SOX6: variants seen among roughly 807,000 people sequenced by gnomAD.
SOX6 encodes transcription factor SOX-6.
A neutral mutation model predicts 97.8 loss-of-function variants in SOX6; 11 were observed. That is an observed-to-expected ratio of 0.11 (90% CI 0.07 to 0.19). The LOEUF (loss-of-function observed/expected upper bound fraction) is 0.19. Among genes scored for constraint, SOX6 ranks in the 10% least tolerant of loss-of-function variants. The pLI is 1.00. For synonymous variants in SOX6, 360 were observed against 371.4 expected (o/e 0.97, Z 0.35); for missense variants, 810 against 1,039.5 (o/e 0.78, Z 3.04).
At chr11:16,018,719 T>C (rs1057012298) in intron 12 of SOX6, among the ~76,000 whole-genome samples, 1 of 152,158 alleles carries the variant, frequency 6.6e-6, no homozygotes, top group Admixed American at 6.6e-5. Context: ...AACAATGCTT[T>C]TTGTTGTAAA....
chr11:16,369,627 C>T (rs903601289), intron 1 of SOX6, among the ~76,000 whole-genome samples: 1 of 152,174 alleles, frequency 6.6e-6, no homozygotes, highest in East Asian at 1.9e-4. Flanking sequence ...AACCAAAATA[C>T]AATGGCTTAA....
At chr11:16,100,723 T>C (rs1306149912) in intron 7 of SOX6, among the ~76,000 whole-genome samples, 1 of 151,230 alleles carries the variant, frequency 6.6e-6, no homozygotes, top group Non-Finnish European at 1.5e-5. Context: ...ATGCTTTTAA[T>C]TTGAATAATT....
At chr11:15,987,878 A>G (rs1048520547) in intron 14 of SOX6, among the ~76,000 whole-genome samples, 1 of 152,174 alleles carries the variant, frequency 6.6e-6, no homozygotes, top group Non-Finnish European at 1.5e-5. Flanking sequence ...AAATCAAAAA[A>G]AAAAGAAAAA....
intron 4 of SOX6, among the ~76,000 whole-genome samples, chr11:16,191,841 G>C (rs1036601659): frequency 2.0e-5 from 3 of 147,562 alleles, no homozygotes; most frequent in African/African-American, 5.0e-5. Flanking sequence ...AGTGCAGCAG[G>C]GTTTTTTTTT....
rs34244829 is a variant in SOX6 at position 16,136,344 on chromosome 11, GTTTT to G, written c.778-24425_778-24422del. ...AAGGTATGTACATTGTGTGTGTGTG[GTTTT>G]TTTTTTTTTTTTTTTGACATAATGC... On this transcript the variant is annotated intron_variant, in intron 6 of 15. Transcript: ENST00000683767. 4.4e-3 allele frequency among the ~76,000 whole-genome samples: 566 copies of G among 129,252 alleles called. 4 individuals are homozygous for G. Among genetic ancestry groups the G allele is most frequent in the East Asian group, 0.025 (114 of 4,602 alleles). 84.8% of individuals were successfully genotyped at this position (129,252 alleles called of 152,430 possible). A position where few individuals can be genotyped will look rare whatever the true frequency, so the allele number is the denominator to read the frequency against.
At chr11:16,086,353 T>C (rs1848577768) in intron 9 of SOX6, among the ~76,000 whole-genome samples, 1 of 152,214 alleles carries the variant, frequency 6.6e-6, no homozygotes, top group Admixed American at 6.5e-5. Flanking sequence ...AGCCAGGCGA[T>C]AATTCAACAT....
At chr11:16,426,387 T>C (rs1257383369) in intron 1 of SOX6, among the ~76,000 whole-genome samples, 1 of 149,260 alleles carries the variant, frequency 6.7e-6, no homozygotes, top group African/African-American at 2.5e-5. Flanking sequence ...GAAAGTATCA[T>C]GCTACCCATC....
chr11:16,733,793 G>A (rs1185237102), intron 2 of SOX6, among the ~76,000 whole-genome samples: 8 of 150,240 alleles, frequency 5.3e-5, no homozygotes, highest in African/African-American at 1.7e-4. Flanking sequence ...TTGGGAGGCC[G>A]AGGCGGGTGG....
chr11:16,373,594 G>T (rs1006793719), intron 1 of SOX6, among the ~76,000 whole-genome samples: 8 of 151,860 alleles, frequency 5.3e-5, no homozygotes, highest in African/African-American at 1.7e-4. Context: ...TAATTTATAG[G>T]TTTCTATAAT....
intron 6 of SOX6, among the ~76,000 whole-genome samples, chr11:16,153,175 AT>A (rs1433121674): frequency 1.3e-5 from 2 of 151,206 alleles, no homozygotes; most frequent in Non-Finnish European, 3.0e-5. Flanking sequence ...AATTTTTTGT[AT>A]TTTGTATTTT....
intron 4 of SOX6, among the ~76,000 whole-genome samples, chr11:16,189,514 G>A (rs953408745): frequency 6.6e-6 from 1 of 151,946 alleles, no homozygotes; most frequent in African/African-American, 2.4e-5. Context: ...CTTGAGCAAG[G>A]AAAATAAACA....
At chr11:16,307,482 G>T (rs1278905595) in intron 3 of SOX6, among the ~76,000 whole-genome samples, 1 of 152,108 alleles carries the variant, frequency 6.6e-6, no homozygotes, top group African/African-American at 2.4e-5. Context: ...AAGAAAAATA[G>T]TTCCAAAACA....
Position 16,706,467 on chromosome 11 carries a change from AAAAAATATATATATATATATATATAT to A in SOX6, n.429+8337_429+8362del, listed in dbSNP as rs1210071000. 3.5e-4 allele frequency among the ~76,000 whole-genome samples: 8 copies of A among 23,128 alleles called. 1 individual carries two copies. The highest frequency in any genetic ancestry group is 1.2e-3 in the East Asian group (1 of 840). The allele number at this position is 23,128 out of a possible 152,430, so 15.2% of individuals were successfully genotyped here. A position where few individuals can be genotyped will look rare whatever the true frequency, so the allele number is the denominator to read the frequency against. On this transcript the variant is annotated intron_variant and non_coding_transcript_variant, in intron 3 of 5. Coordinates refer to the SOX6 transcript ENST00000524520. ...CCTATCACAAAAAAAAAAAAAAAAA[AAAAAATATATATATATATATATATAT>A]ATATATATATATATATATATATATA...
At chr11:16,722,911 A>G (rs1191841408) in intron 2 of SOX6, among the ~76,000 whole-genome samples, 2 of 152,210 alleles carry the variant, frequency 1.3e-5, no homozygotes, top group Non-Finnish European at 2.9e-5. Flanking sequence ...TGTGAAAAGC[A>G]GTATGGCAAT....
At chr11:16,599,566 A>T (rs1436685235) in intron 4 of SOX6, among the ~76,000 whole-genome samples, 1 of 152,192 alleles carries the variant, frequency 6.6e-6, no homozygotes, top group Non-Finnish European at 1.5e-5. Flanking sequence ...CACTTGAAGT[A>T]TCATGAAAGA....
intron 13 of SOX6, among the ~76,000 whole-genome samples, chr11:16,001,625 C>G (rs767526842): frequency 6.6e-6 from 1 of 152,198 alleles, no homozygotes; most frequent in Non-Finnish European, 1.5e-5. Context: ...AAGGATGCCA[C>G]TTCCCTGCCC....
intron 4 of SOX6, among the ~76,000 whole-genome samples, chr11:16,196,311 G>C (rs921409360): frequency 6.6e-6 from 1 of 152,186 alleles, no homozygotes; most frequent in Non-Finnish European, 1.5e-5. Flanking sequence ...AAATCAGAAA[G>C]TCTGGCAACA....
chr11:16,692,081 G>T lies in SOX6; in HGVS notation n.429+22749C>A, dbSNP rs562944863. Among the ~76,000 whole-genome samples, 457 of 127,752 alleles carry T rather than the reference G, an allele frequency of 3.6e-3. 2 individuals carry two copies. Among genetic ancestry groups the T allele is most frequent in the Non-Finnish European group, 6.4e-3 (366 of 57,422 alleles). The allele number at this position is 127,752 out of a possible 152,430, so 83.8% of individuals were successfully genotyped here. A position where few individuals can be genotyped will look rare whatever the true frequency, so the allele number is the denominator to read the frequency against. The stretch of plus-strand genomic sequence containing the variant: ...CGTGTGTGTGTGTGTGTGTGTGTGT[G>T]TGTGTGTGCGCGCGCGCGCTTTCTG... On this transcript the variant is annotated intron_variant and non_coding_transcript_variant, in intron 3 of 5. Transcript: ENST00000524520.
intron 4 of SOX6, among the ~76,000 whole-genome samples, chr11:16,491,316 G>C (rs887518696): frequency 6.6e-6 from 1 of 152,094 alleles, no homozygotes; most frequent in African/African-American, 2.4e-5. Context: ...GGTAAGACTT[G>C]TAATGAAAGA....
Sources: allele counts gnomAD v4.1 joint callset (sites outside exome capture counted in the v4.1 genomes callset), GRCh38; gene constraint gnomAD v4.1.1; transcripts MANE v1.5; gene names NCBI Gene and HGNC (gene_info 2026-07-23, HGNC 2026-07-21).